Variants in DOCK4 observed in about 807,000 individuals in gnomAD.
DOCK4 encodes dedicator of cytokinesis 4, also known as dedicator of cytokinesis protein 4.
In DOCK4, 97 loss-of-function variants were observed where a neutral mutation model predicts 268.1. The ratio of observed to expected loss-of-function variants is 0.36; its 90% CI spans 0.31 to 0.43. DOCK4 has a LOEUF of 0.43. Among genes scored for constraint, DOCK4 ranks in the 20% least tolerant of loss-of-function variants. The pLI is 1.00. For synonymous variants in DOCK4, 954 were observed against 887.2 expected, an observed-to-expected ratio of 1.08 and a Z score of -1.34; for missense variants, 2,145 against 2,455.7, an observed-to-expected ratio of 0.87 and a Z score of 2.67.
intron 1 of DOCK4, among the ~76,000 whole-genome samples, chr7:112,050,178 C>A (rs1805217411): frequency 6.6e-6 from 1 of 152,134 alleles, no homozygotes; most frequent in Non-Finnish European, 1.5e-5. Flanking sequence ...CAAATAAAAT[C>A]TGGCACTTTC....
At chr7:111,761,620 G>A (rs545564764) in intron 39 of DOCK4, among the ~76,000 whole-genome samples, 1 of 152,024 alleles carries the variant, frequency 6.6e-6, no homozygotes, top group Non-Finnish European at 1.5e-5. Flanking sequence ...TATGTAAAAC[G>A]CCGTAAAGAG....
chr7:112,165,557 TGTGC>T (rs1563149179), intron 1 of DOCK4, among the ~76,000 whole-genome samples: 2 of 140,966 alleles, frequency 1.4e-5, no homozygotes, highest in African/African-American at 2.5e-5. Context: ...TGTGTGTGTG[TGTGC>T]GTGTGTGTGT....
intron 8 of DOCK4, among the ~76,000 whole-genome samples, chr7:111,969,935 G>A (rs1264378103): frequency 6.6e-6 from 1 of 152,158 alleles, no homozygotes; most frequent in Non-Finnish European, 1.5e-5. Context: ...GTTTATGCAT[G>A]TCCACATTCT....
intron 30 of DOCK4, among the ~76,000 whole-genome samples, chr7:111,804,069 C>A (rs1369350952): frequency 6.6e-6 from 1 of 152,152 alleles, no homozygotes; most frequent in Non-Finnish European, 1.5e-5. Flanking sequence ...CCCATATGAT[C>A]CAGCAATTCC....
chr7:112,078,843 C>T (rs868135268), intron 1 of DOCK4, among the ~76,000 whole-genome samples: 3 of 152,004 alleles, frequency 2.0e-5, no homozygotes, highest in East Asian at 1.9e-4. Flanking sequence ...ATATAAAATA[C>T]GGCCGGGTGC....
chr7:111,766,341 CT>C (rs1008783803), intron 38 of DOCK4, among the ~76,000 whole-genome samples: 1 of 151,802 alleles, frequency 6.6e-6, no homozygotes, highest in African/African-American at 2.4e-5. Context: ...ATATTGTACT[CT>C]TTTTTTTAAT....
At chr7:112,129,571 A>G (rs1046144705) in intron 1 of DOCK4, among the ~76,000 whole-genome samples, 29 of 152,160 alleles carry the variant, frequency 1.9e-4, no homozygotes, top group African/African-American at 6.8e-4. Flanking sequence ...CTTAACAACA[A>G]TGTACCAATT....
At chr7:111,934,824 C>A (rs1156864755) in intron 12 of DOCK4, among the ~76,000 whole-genome samples, 1 of 151,128 alleles carries the variant, frequency 6.6e-6, no homozygotes, top group Non-Finnish European at 1.5e-5. Flanking sequence ...CAGGCGTGAG[C>A]CACTGCGCCC....
chr7:111,837,973 C>T (rs1328728374), intron 25 of DOCK4, among the ~76,000 whole-genome samples: 2 of 150,438 alleles, frequency 1.3e-5, no homozygotes, highest in African/African-American at 4.9e-5. Context: ...GTAATCCCAG[C>T]TACTTGGGAG....
chr7:112,193,775 T>C (rs10953706), intron 1 of DOCK4, among the ~76,000 whole-genome samples: 89,052 of 151,294 alleles, frequency 0.59, 28,626 homozygotes, highest in Non-Finnish European at 0.72. Flanking sequence ...AAAATGTCTT[T>C]AACCCTTCTG....
intron 32 of DOCK4, chr7:111,784,495 T>A: frequency 2.1e-6 from 1 of 484,054 alleles, no homozygotes; most frequent in Non-Finnish European, 4.1e-6. Flanking sequence ...CACTTAACAT[T>A]TGCCCACTCA....
At chr7:111,924,260 G>T (rs74713770) in intron 12 of DOCK4, among the ~76,000 whole-genome samples, 5,426 of 152,200 alleles carry the variant, frequency 0.036, 322 homozygotes, top group East Asian at 0.29. Context: ...CATCTTTAGT[G>T]GGTGTTGTTT....
intron 10 of DOCK4, among the ~76,000 whole-genome samples, chr7:111,941,186 A>C (rs1190469571): frequency 6.6e-6 from 1 of 152,248 alleles, no homozygotes; most frequent in African/African-American, 2.4e-5. Context: ...AGTTAGAATC[A>C]AACTAAAAAA....
chr7:111,811,869 C>T lies in DOCK4; in HGVS notation c.3006+5G>A, dbSNP rs1404315721. ...AGCAGGAGAGTCATATAAATGAATG[C>T]TTACCTTATAATCAAAGTTTTCATT... On this transcript the variant is annotated splice_donor_5th_base_variant and intron_variant, in intron 28 of 52. Transcript: ENST00000428084. 3 of 1,484,284 alleles carry T rather than the reference C, an allele frequency of 2.0e-6. No individual in the cohort carries two copies. Among genetic ancestry groups the T allele is most frequent in the Non-Finnish European group, 2.8e-6 (3 of 1,088,364 alleles). 91.9% of individuals were successfully genotyped at this position (1,484,284 alleles called of 1,614,324 possible).
intron 26 of DOCK4, among the ~76,000 whole-genome samples, chr7:111,831,087 C>G (rs889052890): frequency 2.7e-4 from 41 of 152,112 alleles, no homozygotes; most frequent in African/African-American, 6.0e-4. Context: ...CCATCTCTCT[C>G]TCTCCTGAAC....
chr7:112,044,022 T>C (rs1804624509), intron 1 of DOCK4, among the ~76,000 whole-genome samples: 2 of 150,660 alleles, frequency 1.3e-5, no homozygotes, highest in African/African-American at 2.4e-5. Flanking sequence ...GCTTTACTTA[T>C]GTCCTGTCAA....
rs143004189 is a variant in DOCK4, at chr7:111,926,870, AAAGG to A, written c.1066+8666_1066+8669del. ...GAAAGAGAAAAAGAGAGAGAGAGAG[AAAGG>A]AAGGAAGGAAGGAAGGAAGGAAAGA... is the stretch of plus-strand genomic sequence containing the variant. On this transcript the variant is annotated intron_variant, in intron 12 of 52. Coordinates refer to ENST00000428084, the MANE Select transcript of DOCK4 (RefSeq NM_001363540.2). Among the ~76,000 whole-genome samples the A allele has an allele frequency of 8.7e-3, 1,312 of 149,988 alleles. 20 individuals are homozygous for A. The highest frequency in any genetic ancestry group is 0.027 in the African/African-American group (1,072 of 40,154).
At chr7:112,000,371 T>C in intron 3 of DOCK4, 123 bp downstream of exon 3, 1 of 591,992 alleles carries the variant, frequency 1.7e-6, no homozygotes, top group Non-Finnish European at 2.9e-6. Context: ...TTATAAAAAT[T>C]TGCAATATCA....
chr7:112,168,568 G>C (rs1817804966), intron 1 of DOCK4, among the ~76,000 whole-genome samples: 1 of 152,168 alleles, frequency 6.6e-6, no homozygotes, highest in Non-Finnish European at 1.5e-5. Context: ...AGCCAGGCAT[G>C]GTGGCGCATG....
Sources: gnomAD v4.1 joint callset for allele counts (sites outside exome capture counted in the v4.1 genomes callset) on GRCh38, gnomAD v4.1.1 for gene constraint, MANE v1.5 for transcripts, NCBI Gene and HGNC (gene_info 2026-07-23, HGNC 2026-07-21) for gene names.